Variants in RPS6KA5 observed in about 807,000 individuals in gnomAD.
RPS6KA5 encodes ribosomal protein S6 kinase alpha-5.
Under a neutral mutation model 85.5 loss-of-function variants are expected in RPS6KA5, and 27 were observed. The ratio of observed to expected loss-of-function variants is 0.32; its 90% CI spans 0.23 to 0.44. The LOEUF (loss-of-function observed/expected upper bound fraction) is 0.44. Among genes scored for constraint, RPS6KA5 ranks in the 20% least tolerant of loss-of-function variants. The pLI is 1.00. For missense variants in RPS6KA5, 811 were observed against 980.9 expected (o/e 0.83, Z 2.31); for synonymous variants, 334 against 348.2 (o/e 0.96, Z 0.46).
At chr14:90,976,224 A>G (rs903339164) in intron 3 of RPS6KA5, among the ~76,000 whole-genome samples, 9 of 139,284 alleles carry the variant, frequency 6.5e-5, no homozygotes, top group Admixed American at 5.0e-4. Context: ...AAAAAAAAAG[A>G]GAGGAGACAG....
Position 90,920,328 on chromosome 14 carries a change from T to C in RPS6KA5, c.703-19A>G. 6.9e-7 allele frequency: 1 copy of C among 1,443,556 alleles called. No homozygotes were observed. Among genetic ancestry groups the C allele is most frequent in the Non-Finnish European group, 9.7e-7 (1 of 1,035,180 alleles). The allele number at this position is 1,443,556 out of a possible 1,614,324, so 89.4% of individuals were successfully genotyped here. ...CAACTGCCTATAAAACAACAATAAT[T>C]TCATTTTATAGAATTATCAACTAAA... is the stretch of plus-strand genomic sequence containing the variant. On this transcript the variant is annotated intron_variant, in intron 6 of 16. Coordinates refer to ENST00000614987, the MANE Select transcript of RPS6KA5 (RefSeq NM_004755.4).
At position 91,036,098 on chromosome 14, in the gene RPS6KA5, T is replaced by TC. The variant is rs1555381831; in HGVS notation, c.103+24233_103+24234insG. Among the ~76,000 whole-genome samples, 33 of 151,760 alleles carry TC rather than the reference T, an allele frequency of 2.2e-4. No individual in the cohort carries two copies. The East Asian group carries it at 6.2e-3, about 29-fold the overall frequency. Reference sequence around the variant, plus strand: ...ACACAGACATTTTCAAAATAGACTGTGGGGGGTGCAACTCCCCACAGTGAA... The same window carrying TC: ...ACACAGACATTTTCAAAATAGACTGTCGGGGGGTGCAACTCCCCACAGTGAA... On this transcript the variant is annotated intron_variant, in intron 1 of 16. Coordinates refer to ENST00000614987, the MANE Select transcript of RPS6KA5 (RefSeq NM_004755.4).
At chr14:90,911,670 C>G (rs1372428711) in intron 7 of RPS6KA5, among the ~76,000 whole-genome samples, 4 of 152,002 alleles carry the variant, frequency 2.6e-5, no homozygotes, top group African/African-American at 9.7e-5. Context: ...AGAGAGTTTT[C>G]TAATTAGAGA....
intron 6 of RPS6KA5, among the ~76,000 whole-genome samples, chr14:90,922,126 T>G (rs1254907520): frequency 2.6e-5 from 4 of 152,206 alleles, no homozygotes; most frequent in African/African-American, 9.6e-5. Flanking sequence ...AAATATTTAT[T>G]TCTGTTGGGA....
intron 1 of RPS6KA5, among the ~76,000 whole-genome samples, chr14:91,032,424 G>A (rs746613417): frequency 3.3e-5 from 5 of 152,058 alleles, no homozygotes; most frequent in Admixed American, 6.6e-5. Context: ...AGCTAAACAC[G>A]CACAGTTACT....
At chr14:91,032,524 A>C (rs1409227857) in intron 1 of RPS6KA5, among the ~76,000 whole-genome samples, 2 of 152,204 alleles carry the variant, frequency 1.3e-5, no homozygotes, top group East Asian at 3.8e-4. Flanking sequence ...ATTAAAAAAA[A>C]ACTATAATAC....
At chr14:91,019,611 G>C (rs1311166972) in intron 1 of RPS6KA5, among the ~76,000 whole-genome samples, 2 of 151,992 alleles carry the variant, frequency 1.3e-5, no homozygotes, top group South Asian at 4.2e-4. Flanking sequence ...CACACACATA[G>C]TCCTTTACTT....
chr14:90,990,379 C>G (rs2040251755), intron 2 of RPS6KA5, among the ~76,000 whole-genome samples: 1 of 152,160 alleles, frequency 6.6e-6, no homozygotes, highest in Non-Finnish European at 1.5e-5. Context: ...CAAAAAATAA[C>G]AGATACTGGT....
At chr14:90,945,722 A>C (rs2037837403) in intron 4 of RPS6KA5, among the ~76,000 whole-genome samples, 1 of 152,136 alleles carries the variant, frequency 6.6e-6, no homozygotes. Flanking sequence ...TAAATTAAAA[A>C]CCGGATTTTC....
chr14:91,047,388 G>C (rs12434738), intron 1 of RPS6KA5, among the ~76,000 whole-genome samples: 20,097 of 152,148 alleles, frequency 0.13, 1,665 homozygotes, highest in East Asian at 0.32. Context: ...GCACTCCTAT[G>C]AAAAACAGAA....
At chr14:91,040,891 T>C (rs1052259078) in intron 1 of RPS6KA5, among the ~76,000 whole-genome samples, 1 of 152,166 alleles carries the variant, frequency 6.6e-6, no homozygotes, top group African/African-American at 2.4e-5. Flanking sequence ...GAGACATTAG[T>C]AACTTTAGTG....
Position 90,871,871 on chromosome 14 carries a change from G to A in RPS6KA5, c.*203C>T. The A allele has an allele frequency of 1.8e-6, 1 of 564,796 alleles. No individual in the cohort carries two copies. Among genetic ancestry groups the A allele is most frequent in the East Asian group, 3.1e-5 (1 of 32,466 alleles). 35.0% of individuals were successfully genotyped at this position (564,796 alleles called of 1,614,324 possible). On this transcript the variant is annotated 3_prime_UTR_variant, in exon 17 of 17. Coordinates refer to ENST00000614987, the MANE Select transcript of RPS6KA5 (RefSeq NM_004755.4). ...GCATCATGCTAGGTTGCTAAAAAGA[G>A]TAATATGTGCTCTATTCACAGTAAC...
intron 1 of RPS6KA5, among the ~76,000 whole-genome samples, chr14:91,046,453 G>C (rs377473326): frequency 3.3e-5 from 5 of 152,264 alleles, no homozygotes; most frequent in African/African-American, 1.2e-4. Context: ...TAAAATCATG[G>C]GAGTGGGCTA....
chr14:91,047,964 A>G (rs1183775972), intron 1 of RPS6KA5, among the ~76,000 whole-genome samples: 2 of 152,140 alleles, frequency 1.3e-5, no homozygotes. Context: ...CTCTTACAAG[A>G]ACTCTTGTGA....
chr14:90,900,157 C>A lies in RPS6KA5; in HGVS notation c.1330G>T (p.Val444Leu). ...EGSFSICRKC[V>L]HKKSNQAFAV... ...AAAGCTTGGTTACTTTTTTTATGCA[C>A]ACACTTTCGACAAATTGAAAAACTA... Residue 444 changes from valine (V) to leucine (L), a missense_variant, in exon 11 of 17, where the codon GTG becomes TTG. Transcript: ENST00000614987. 1 of 1,605,666 alleles carries A rather than the reference C, an allele frequency of 6.2e-7. No homozygotes were observed. The highest frequency in any genetic ancestry group is 1.1e-5 in the South Asian group (1 of 89,464).
intron 3 of RPS6KA5, among the ~76,000 whole-genome samples, chr14:90,971,828 G>A (rs2039334894): frequency 6.6e-6 from 1 of 152,140 alleles, no homozygotes. Flanking sequence ...TACTCCTTCA[G>A]CAAAACTGAG....
intron 1 of RPS6KA5, among the ~76,000 whole-genome samples, chr14:91,054,750 A>G (rs375791382): frequency 6.6e-6 from 1 of 152,026 alleles, no homozygotes; most frequent in Non-Finnish European, 1.5e-5. Context: ...CAGGAGTTCG[A>G]GACCAGCCTG....
chr14:91,034,431 A>C (rs1247404306), intron 1 of RPS6KA5, among the ~76,000 whole-genome samples: 2 of 152,164 alleles, frequency 1.3e-5, no homozygotes, highest in Non-Finnish European at 2.9e-5. Context: ...GAGGATTATA[A>C]ACGCACCAAT....
At chr14:90,944,776 G>A (rs1470284746) in intron 4 of RPS6KA5, among the ~76,000 whole-genome samples, 1 of 150,500 alleles carries the variant, frequency 6.6e-6, no homozygotes, top group African/African-American at 2.4e-5. Flanking sequence ...AAAATTAGCT[G>A]GGTGTGGTGG....
Sources: gnomAD v4.1 joint callset for allele counts (sites outside exome capture counted in the v4.1 genomes callset) on GRCh38, gnomAD v4.1.1 for gene constraint, MANE v1.5 for transcripts, NCBI Gene and HGNC (gene_info 2026-07-23, HGNC 2026-07-21) for gene names.